Variants in FAM168A observed in about 807,000 individuals in gnomAD.
FAM168A encodes protein FAM168A.
In FAM168A, 3 loss-of-function variants were observed where a neutral mutation model predicts 28.5. That is an observed-to-expected ratio of 0.11 (90% confidence interval 0.05 to 0.27). The LOEUF (loss-of-function observed/expected upper bound fraction) is 0.27, where lower values mean the gene tolerates loss of function less well. FAM168A is among the 10% of genes least tolerant of loss of function. FAM168A has a pLI of 1.00. For synonymous variants in FAM168A, 122 were observed against 124.2 expected (o/e 0.98, Z 0.12); for missense variants, 222 against 311.5 (o/e 0.71, Z 2.16).
chr11:73,587,773 G>A (rs1409384040), intron 1 of FAM168A, among the ~76,000 whole-genome samples: 1 of 151,190 alleles, frequency 6.6e-6, no homozygotes, highest in Non-Finnish European at 1.5e-5. Context: ...TTTTTGAGAT[G>A]GAGTCTAGTT....
At chr11:73,440,447 G>A (rs908622951) in intron 2 of FAM168A, among the ~76,000 whole-genome samples, 1 of 152,106 alleles carries the variant, frequency 6.6e-6, no homozygotes, top group Non-Finnish European at 1.5e-5. Flanking sequence ...ACAAGAGTTT[G>A]AGACTTGCCT....
chr11:73,470,798 G>T (rs949391388), intron 1 of FAM168A, among the ~76,000 whole-genome samples: 1 of 152,194 alleles, frequency 6.6e-6, no homozygotes, highest in Non-Finnish European at 1.5e-5. Context: ...ACTAAGACAA[G>T]TGCTAAGCAG....
chr11:73,468,509 G>C lies in FAM168A; in HGVS notation c.-18-17C>G. The C allele has an allele frequency of 6.4e-7, 1 of 1,572,498 alleles. No homozygotes were observed. The highest frequency in any genetic ancestry group is 2.2e-5 in the East Asian group (1 of 44,662). The stretch of plus-strand genomic sequence containing the variant: ...CTGAGGATCCTACAGAGAAAACAAA[G>C]AAAACAGCACTGATATTGATTGTTC... On this transcript the variant is annotated splice_polypyrimidine_tract_variant and intron_variant, in intron 1 of 7. Coordinates refer to ENST00000356467, the MANE Select transcript of FAM168A (RefSeq NM_015159.3).
intron 2 of FAM168A, among the ~76,000 whole-genome samples, chr11:73,446,774 T>A (rs1017008235): frequency 6.6e-6 from 1 of 152,244 alleles, no homozygotes; most frequent in African/African-American, 2.4e-5. Context: ...TTCAGGTCTC[T>A]TGACTGAAGT....
At chr11:73,531,255 T>C (rs748746970) in intron 1 of FAM168A, among the ~76,000 whole-genome samples, 2 of 152,124 alleles carry the variant, frequency 1.3e-5, no homozygotes, top group East Asian at 1.9e-4. Context: ...GCTTAAGAAA[T>C]GCAAGTAACC....
At chr11:73,418,848 G>A (rs1054652375) in intron 4 of FAM168A, among the ~76,000 whole-genome samples, 9 of 145,292 alleles carry the variant, frequency 6.2e-5, no homozygotes, top group African/African-American at 2.1e-4. Context: ...TTGTTCTGTC[G>A]CCCAGGCTGG....
intron 2 of FAM168A, among the ~76,000 whole-genome samples, chr11:73,455,087 G>C (rs1334297213): frequency 6.6e-6 from 1 of 152,198 alleles, no homozygotes; most frequent in African/African-American, 2.4e-5. Context: ...AGAGCTAAAA[G>C]AGCACTGTAA....
At chr11:73,562,386 C>T (rs887649979) in intron 1 of FAM168A, among the ~76,000 whole-genome samples, 2 of 152,212 alleles carry the variant, frequency 1.3e-5, no homozygotes, top group Admixed American at 1.3e-4. Flanking sequence ...TAAACAGTAT[C>T]ATTTGACTCA....
At chr11:73,470,550 G>A (rs962127140) in intron 1 of FAM168A, among the ~76,000 whole-genome samples, 1 of 152,152 alleles carries the variant, frequency 6.6e-6, no homozygotes, top group African/African-American at 2.4e-5. Context: ...TACAGGAGTG[G>A]GTTTTATCAT....
intron 1 of FAM168A, among the ~76,000 whole-genome samples, chr11:73,471,745 T>C (rs1034777623): frequency 2.6e-5 from 4 of 152,192 alleles, no homozygotes; most frequent in Admixed American, 6.5e-5. Flanking sequence ...TCTAGAGGAA[T>C]TGAGATACAG....
chr11:73,500,178 C>T (rs1179024684), intron 1 of FAM168A, among the ~76,000 whole-genome samples: 1 of 151,740 alleles, frequency 6.6e-6, no homozygotes, highest in Non-Finnish European at 1.5e-5. Flanking sequence ...GACCTCTCAG[C>T]AGAAACTCTT....
chr11:73,463,247 G>T (rs2134567969), intron 2 of FAM168A, among the ~76,000 whole-genome samples: 1 of 152,264 alleles, frequency 6.6e-6, no homozygotes, highest in South Asian at 2.1e-4. Flanking sequence ...CATTATAGGT[G>T]TGAGCCACCG....
At chr11:73,586,137 G>A (rs1944311365) in intron 1 of FAM168A, among the ~76,000 whole-genome samples, 1 of 152,164 alleles carries the variant, frequency 6.6e-6, no homozygotes, top group Non-Finnish European at 1.5e-5. Flanking sequence ...CACTGTCTCT[G>A]GAAGCCAGCA....
At chr11:73,417,909 A>C (rs1353583308) in intron 4 of FAM168A, among the ~76,000 whole-genome samples, 1 of 152,176 alleles carries the variant, frequency 6.6e-6, no homozygotes, top group South Asian at 2.1e-4. Flanking sequence ...AAAGTCAGTA[A>C]CTGAATCTTA....
Position 73,439,879 on chromosome 11 carries a change from C to CTTT in FAM168A, c.71-9112_71-9110dup, listed in dbSNP as rs761818483. On this transcript the variant is annotated intron_variant, in intron 2 of 7. Transcript: ENST00000356467. ...ATGAATACCTTTGTCTCTCAGGTCA[C>CTTT]TTTTTTTTTTTTTTTTTTTTTTTGA... 6.4e-3 allele frequency among the ~76,000 whole-genome samples: 623 copies of CTTT among 97,004 alleles called. 10 individuals carry two copies. The highest frequency in any genetic ancestry group is 8.6e-3 in the African/African-American group (192 of 22,344). The allele number at this position is 97,004 out of a possible 152,430, so 63.6% of individuals were successfully genotyped here.
chr11:73,550,461 C>T (rs2134691280), intron 1 of FAM168A, among the ~76,000 whole-genome samples: 1 of 152,078 alleles, frequency 6.6e-6, no homozygotes, highest in South Asian at 2.1e-4. Context: ...TCAAGACCAG[C>T]CTGGGCAACA....
intron 1 of FAM168A, among the ~76,000 whole-genome samples, chr11:73,547,573 G>GGTC (rs1362656374): frequency 6.6e-6 from 1 of 152,112 alleles, no homozygotes; most frequent in Non-Finnish European, 1.5e-5. Flanking sequence ...GAGGCAGGAG[G>GGTC]GTCGCTTGAG....
chr11:73,495,315 C>T lies in FAM168A; in HGVS notation c.-18-26823G>A, dbSNP rs545069373. Among the ~76,000 whole-genome samples the T allele has an allele frequency of 1.4e-4, 22 of 152,144 alleles. No individual in the cohort carries two copies. The East Asian group carries it at 1.7e-3, about 12-fold the overall frequency. ...CTGCACTCCAGCCTGGGCGACAGAG[C>T]GAGACTCCGTCTCAAAATTAAATAA... On this transcript the variant is annotated intron_variant, in intron 1 of 7. Transcript: ENST00000356467.
At chr11:73,445,965 T>A (rs1022808361) in intron 2 of FAM168A, among the ~76,000 whole-genome samples, 1 of 152,194 alleles carries the variant, frequency 6.6e-6, no homozygotes, top group Non-Finnish European at 1.5e-5. Flanking sequence ...TAAGTGACAG[T>A]TAAGATTGAA....
Sources: allele counts gnomAD v4.1 joint callset (sites outside exome capture counted in the v4.1 genomes callset), GRCh38; gene constraint gnomAD v4.1.1; transcripts MANE v1.5; gene names NCBI Gene and HGNC (gene_info 2026-07-23, HGNC 2026-07-21).